The following FBRSL1 variants were observed in gnomAD, a reference collection of about 807,000 sequenced individuals.
The protein encoded by FBRSL1 is fibrosin-1-like protein.
Under a neutral mutation model 89.6 loss-of-function variants are expected in FBRSL1, and 51 were observed. The observed-to-expected ratio is 0.57, with a 90% CI of 0.45 to 0.72. The LOEUF (loss-of-function observed/expected upper bound fraction) is 0.72. FBRSL1 is among the 30% of genes least tolerant of loss of function. The probability of loss-of-function intolerance (pLI) is 0.00; values close to 1 mark genes in which losing one functional copy is unlikely to be tolerated. For missense variants in FBRSL1, 1,618 were observed against 1,451.8 expected (o/e 1.11, Z -1.86); for synonymous variants, 779 against 681.1 (o/e 1.14, Z -2.24).
At chr12:132,578,779 A>G (rs1317384742) in intron 15 of FBRSL1, among the ~76,000 whole-genome samples, 1 of 151,380 alleles carries the variant, frequency 6.6e-6, no homozygotes, top group Non-Finnish European at 1.5e-5. Context: ...TGAGCATTTG[A>G]TGGCACGTTG....
At chr12:132,508,131 G>C in intron 1 of FBRSL1, 22 bp from the exon 2 acceptor site, 6 of 1,274,600 alleles carry the variant, frequency 4.7e-6, no homozygotes, top group Non-Finnish European at 6.7e-6. Context: ...CAATTAACTG[G>C]CGTTTCCCTG....
chr12:132,531,897 T>G (rs1218402767), intron 4 of FBRSL1, among the ~76,000 whole-genome samples: 1 of 152,232 alleles, frequency 6.6e-6, no homozygotes, highest in Non-Finnish European at 1.5e-5. Context: ...AAGCCCCAGC[T>G]ATTGCTCATC....
At chr12:132,530,993 G>T (rs1213333512) in intron 4 of FBRSL1, among the ~76,000 whole-genome samples, 1 of 115,870 alleles carries the variant, frequency 8.6e-6, no homozygotes, top group Non-Finnish European at 2.0e-5. Flanking sequence ...TGTGTCCAGT[G>T]TGGGGGGGGG....
chr12:132,510,116 C>G, intron 2 of FBRSL1: 2 of 1,225,666 alleles, frequency 1.6e-6, no homozygotes, highest in South Asian at 4.1e-5. Context: ...CGGAGCAGCC[C>G]TGCCCACCCA....
intron 5 of FBRSL1, among the ~76,000 whole-genome samples, chr12:132,562,193 C>G (rs1032875489): frequency 6.6e-6 from 1 of 152,192 alleles, no homozygotes; most frequent in Non-Finnish European, 1.5e-5. Flanking sequence ...GGGAGCCACA[C>G]TTCTGGGGGA....
intron 7 of FBRSL1, 23 bp downstream of exon 7, chr12:132,570,264 G>A: frequency 6.7e-7 from 1 of 1,500,852 alleles, no homozygotes. Flanking sequence ...CGGGGGACGG[G>A]GCCTGTGTGG....
chr12:132,505,191 C>T (rs1015101822), intron 1 of FBRSL1, among the ~76,000 whole-genome samples: 3 of 152,202 alleles, frequency 2.0e-5, no homozygotes, highest in African/African-American at 7.2e-5. Flanking sequence ...GACCTCACTG[C>T]GGTGAACACG....
intron 1 of FBRSL1, among the ~76,000 whole-genome samples, chr12:132,504,179 G>A (rs377594969): frequency 1.3e-5 from 2 of 152,246 alleles, no homozygotes; most frequent in Admixed American, 6.5e-5. Context: ...GGAGCAGGGC[G>A]TGGCCACCTG....
chr12:132,514,452 C>T (rs1031858303), intron 2 of FBRSL1, among the ~76,000 whole-genome samples: 1 of 152,230 alleles, frequency 6.6e-6, no homozygotes, highest in African/African-American at 2.4e-5. Flanking sequence ...AGGCCGAGGC[C>T]ACCGGCCATC....
rs1330407054 is a variant in FBRSL1, at chr12:132,510,652, G to C, written c.489+2302G>C. ...GAGGCGGGAGCCCCTACAGTGCCACGATCAGGCTGAGGCTCACCACACCAG... is the reference window on the plus strand; with the variant it reads ...GAGGCGGGAGCCCCTACAGTGCCACCATCAGGCTGAGGCTCACCACACCAG... On this transcript the variant is annotated intron_variant, in intron 2 of 18. Transcript: ENST00000680143. The C allele has an allele frequency of 2.4e-6, 3 of 1,229,516 alleles. No individual in the cohort carries two copies. The African/African-American group carries it at 4.7e-5, about 19-fold the overall frequency. 76.2% of individuals were successfully genotyped at this position (1,229,516 alleles called of 1,614,324 possible). A position where few individuals can be genotyped will look rare whatever the true frequency, so the allele number is the denominator to read the frequency against.
Position 132,556,754 on chromosome 12 carries a change from C to T in FBRSL1, c.645+8722C>T, listed in dbSNP as rs58946934. ...TCTTCTTCAGGCCTTCGTGCTGCAC[C>T]CCAACCCCTGTCCTGTGGGACGCTC... On this transcript the variant is annotated intron_variant, in intron 5 of 18. Transcript: ENST00000680143. 1.9e-3 allele frequency among the ~76,000 whole-genome samples: 55 copies of T among 28,762 alleles called. 1 individual carries two copies. Among genetic ancestry groups the T allele is most frequent in the Middle Eastern group, 0.026 (1 of 38 alleles). The allele number at this position is 28,762 out of a possible 152,430, so 18.9% of individuals were successfully genotyped here. A position where few individuals can be genotyped will look rare whatever the true frequency, so the allele number is the denominator to read the frequency against.
At chr12:132,495,622 C>T (rs1007144154) in intron 1 of FBRSL1, among the ~76,000 whole-genome samples, 18 of 152,206 alleles carry the variant, frequency 1.2e-4, no homozygotes, top group African/African-American at 3.1e-4. Flanking sequence ...GGCAGGGGTG[C>T]GGAGCTGAGC....
intron 2 of FBRSL1, 83 bp downstream of exon 2, chr12:132,508,433 C>T (rs1016913999): frequency 1.8e-5 from 25 of 1,391,610 alleles, no homozygotes; most frequent in African/African-American, 2.9e-5. Context: ...CTGGACACCA[C>T]GCCACGTGGC....
chr12:132,498,696 C>T (rs1284472830), intron 1 of FBRSL1, among the ~76,000 whole-genome samples: 1 of 152,184 alleles, frequency 6.6e-6, no homozygotes, highest in African/African-American at 2.4e-5. Flanking sequence ...GGTCAGCAGG[C>T]GGCCCTGCGT....
At position 132,583,347 on chromosome 12, in the gene FBRSL1, C is replaced by G; in HGVS notation, c.2578C>G (p.Leu860Val). 8.6e-7 allele frequency: 1 copy of G among 1,163,156 alleles called. No homozygotes were observed. Among genetic ancestry groups the G allele is most frequent in the Non-Finnish European group, 1.1e-6 (1 of 941,020 alleles). The allele number at this position is 1,163,156 out of a possible 1,614,324, so 72.1% of individuals were successfully genotyped here. A position where few individuals can be genotyped will look rare whatever the true frequency, so the allele number is the denominator to read the frequency against. Reference protein sequence around the residue: ...FAWEPFRGLELPRRAFPAAAP... With the variant: ...FAWEPFRGLEVPRRAFPAAAP... ...GTGGGAGCCTTTCCGCGGCCTGGAG[C>G]TGCCACGTCGCGCCTTCCCCGCTGC... is the stretch of plus-strand genomic sequence containing the variant. Residue 860 changes from leucine (L) to valine (V), a missense_variant, in exon 19 of 19, where the codon CTG (leucine) becomes GTG (valine). Coordinates refer to ENST00000680143, the MANE Select transcript of FBRSL1 (RefSeq NM_001367871.1).
chr12:132,557,779 T>A (rs570385024), intron 5 of FBRSL1, among the ~76,000 whole-genome samples: 1 of 152,182 alleles, frequency 6.6e-6, no homozygotes, highest in East Asian at 1.9e-4. Context: ...GGGTCTCCAG[T>A]CAGCAGGGAG....
rs982721149 is a variant in FBRSL1, at chr12:132,571,247, G to T, written c.1377+16G>T. 14 of 1,472,244 alleles carry T rather than the reference G, an allele frequency of 9.5e-6. No homozygotes were observed. The highest frequency in any genetic ancestry group is 2.5e-5 in the East Asian group (1 of 39,466). The allele number at this position is 1,472,244 out of a possible 1,614,324, so 91.2% of individuals were successfully genotyped here. ...GGAGTGCCAGGTGACTATCCGCCTC[G>T]CCCCGCCGGGAGCCCGCGGCCAACG... On this transcript the variant is annotated intron_variant, in intron 9 of 18. Coordinates refer to ENST00000680143, the MANE Select transcript of FBRSL1 (RefSeq NM_001367871.1).
intron 4 of FBRSL1, among the ~76,000 whole-genome samples, chr12:132,542,204 C>T (rs537718841): frequency 5.9e-5 from 9 of 152,336 alleles, no homozygotes; most frequent in African/African-American, 1.4e-4. Context: ...CATGTGCACA[C>T]GGCAGATGCT....
At chr12:132,518,592 A>G (rs576739191) in intron 2 of FBRSL1, among the ~76,000 whole-genome samples, 2 of 141,784 alleles carry the variant, frequency 1.4e-5, no homozygotes, top group African/African-American at 2.7e-5. Flanking sequence ...CCATCCACCC[A>G]TCTGTCCATC....
Sources: allele counts gnomAD v4.1 joint callset (sites outside exome capture counted in the v4.1 genomes callset), GRCh38; gene constraint gnomAD v4.1.1; transcripts MANE v1.5; gene names NCBI Gene and HGNC (gene_info 2026-07-23, HGNC 2026-07-21).